Variants in CRACDL observed in about 807,000 individuals in gnomAD.
CRACDL encodes CRACD-like protein.
Under a neutral mutation model 70.6 loss-of-function variants are expected in CRACDL, and 26 were observed. The ratio of observed to expected loss-of-function variants is 0.37; its 90% CI spans 0.27 to 0.51. The LOEUF is 0.51. CRACDL is among the 20% of genes least tolerant of loss of function. The probability of loss-of-function intolerance (pLI) is 0.94; values close to 1 mark genes in which losing one functional copy is unlikely to be tolerated. For synonymous variants in CRACDL, 618 were observed against 615.2 expected, an observed-to-expected ratio of 1.00 and a Z score of -0.07; for missense variants, 1,283 against 1,376.9, an observed-to-expected ratio of 0.93 and a Z score of 1.08.
chr2:98,903,630 AAT>A (rs893968805), intron 1 of CRACDL, among the ~76,000 whole-genome samples: 1 of 152,220 alleles, frequency 6.6e-6, no homozygotes, highest in African/African-American at 2.4e-5. Flanking sequence ...TAAATCAAGG[AAT>A]AATTCTTTTT....
At chr2:98,899,178 A>C (rs1379791862) in intron 1 of CRACDL, among the ~76,000 whole-genome samples, 1 of 151,766 alleles carries the variant, frequency 6.6e-6, no homozygotes, top group Non-Finnish European at 1.5e-5. Flanking sequence ...TGCAAACCAG[A>C]CCATTCCCCA....
At chr2:98,816,497 G>C (rs1244638597) in intron 7 of CRACDL, among the ~76,000 whole-genome samples, 1 of 152,180 alleles carries the variant, frequency 6.6e-6, no homozygotes, top group African/African-American at 2.4e-5. Flanking sequence ...CTGTGCTGGA[G>C]GTGGCATTGA....
intron 1 of CRACDL, among the ~76,000 whole-genome samples, chr2:98,892,811 T>C (rs1457943937): frequency 6.6e-6 from 1 of 152,214 alleles, no homozygotes; most frequent in Non-Finnish European, 1.5e-5. Context: ...TATATATATG[T>C]AAATGTAGCC....
At chr2:98,832,736 G>GGGAGCT in intron 4 of CRACDL, 126 bp downstream of exon 4, 1 of 1,256,638 alleles carries the variant, frequency 8.0e-7, no homozygotes, top group Non-Finnish European at 1.1e-6. Flanking sequence ...TGTGTCCTGG[G>GGGAGCT]GGAGCTGTCA....
chr2:98,811,901 TG>T (rs1298569630), intron 7 of CRACDL, among the ~76,000 whole-genome samples: 2 of 151,876 alleles, frequency 1.3e-5, no homozygotes, highest in Non-Finnish European at 2.9e-5. Context: ...TTTAATCATA[TG>T]GATGTACCAC....
In CRACDL at chr2:98,795,057, A is replaced by T. The variant is rs1423371994; in HGVS notation, c.2750-386T>A. 2.7e-4 allele frequency among the ~76,000 whole-genome samples: 11 copies of T among 40,418 alleles called. 1 individual carries two copies. The highest frequency in any genetic ancestry group is 2.1e-3 in the South Asian group (2 of 968). The allele number at this position is 40,418 out of a possible 152,430, so 26.5% of individuals were successfully genotyped here. On this transcript the variant is annotated intron_variant, in intron 9 of 9. Coordinates refer to ENST00000397899, the MANE Select transcript of CRACDL (RefSeq NM_207362.3). ...TAATTAAAAATATATATATATATAT[A>T]TATATATATATATATATATATTTTT...
chr2:98,822,200 G>A lies in CRACDL; in HGVS notation c.2073C>T (p.Leu691=), dbSNP rs531708186. 1 of 1,610,776 alleles carries A rather than the reference G, an allele frequency of 6.2e-7. No homozygotes were observed. Among genetic ancestry groups the A allele is most frequent in the South Asian group, 1.1e-5 (1 of 90,744 alleles). ...PFPVKLRSTS[L]SLKYRDGASQ... ...AGGCGCCATCCCTGTATTTGAGCGA[G>A]AGGGAGGTGGACCGGAGCTTGACGG... is the stretch of plus-strand genomic sequence containing the variant. The change falls in exon 7 of 10, where the codon CTC becomes CTT. Residue 691 remains leucine, a synonymous_variant. Transcript: ENST00000397899. This position sits in a 1 kb window ranked among gnomAD's most constrained non-coding sequence, Gnocchi z 4.9.
chr2:98,805,730 G>C (rs571597055), intron 7 of CRACDL, among the ~76,000 whole-genome samples: 2 of 152,176 alleles, frequency 1.3e-5, no homozygotes, highest in East Asian at 3.9e-4. Context: ...ACCAGCATGG[G>C]GCTGCCAGGG....
intron 1 of CRACDL, among the ~76,000 whole-genome samples, chr2:98,896,778 T>G (rs1255269317): frequency 6.6e-6 from 1 of 152,194 alleles, no homozygotes. Flanking sequence ...TTTTAGGCTT[T>G]TAGCAGCCTG....
At chr2:98,869,608 C>G (rs1012782996) in intron 1 of CRACDL, among the ~76,000 whole-genome samples, 1 of 152,172 alleles carries the variant, frequency 6.6e-6, no homozygotes, top group African/African-American at 2.4e-5. Flanking sequence ...CTGAGAAAAT[C>G]GGAAACAGCT....
intron 7 of CRACDL, among the ~76,000 whole-genome samples, chr2:98,807,922 ATGCTATT>A (rs1704385507): frequency 6.6e-6 from 1 of 152,150 alleles, no homozygotes; most frequent in South Asian, 2.1e-4. Flanking sequence ...TCTCAGCAAG[ATGCTATT>A]TGCTAGTGAC....
At chr2:98,889,113 C>A (rs1342870758) in intron 1 of CRACDL, among the ~76,000 whole-genome samples, 2 of 128,282 alleles carry the variant, frequency 1.6e-5, no homozygotes, top group African/African-American at 6.0e-5. Flanking sequence ...GGCAACACAG[C>A]AAGACTCTGT....
rs761876312 is a variant in CRACDL, at chr2:98,832,845, A to T, written c.375+17T>A. 1 of 1,613,206 alleles carries T rather than the reference A, an allele frequency of 6.2e-7. No homozygotes were observed. The highest frequency in any genetic ancestry group is 8.5e-7 in the Non-Finnish European group (1 of 1,179,792). On this transcript the variant is annotated intron_variant, in intron 4 of 9. Coordinates refer to ENST00000397899, the MANE Select transcript of CRACDL (RefSeq NM_207362.3). ...TTTGACTTGCACACCAGGCGACATG[A>T]CCAAGGAAACATTTACCTGCAGAGC...
At position 98,895,880 on chromosome 2, in the gene CRACDL, T is replaced by C. The variant is rs917912358; in HGVS notation, c.-11+40058A>G. Reference sequence around the variant, plus strand: ...GGGGCTGGGGCCTTCATGAATAAGATAAAAGAGAACCCAGAGAGCTCGCTT... The same window carrying C: ...GGGGCTGGGGCCTTCATGAATAAGACAAAAGAGAACCCAGAGAGCTCGCTT... On this transcript the variant is annotated intron_variant, in intron 1 of 9. Coordinates refer to ENST00000397899, the MANE Select transcript of CRACDL (RefSeq NM_207362.3). Among the ~76,000 whole-genome samples the C allele has an allele frequency of 5.3e-5, 8 of 152,084 alleles. No homozygotes were observed. In the South Asian group the frequency reaches 1.7e-3, roughly 32 times the overall value.
intron 1 of CRACDL, among the ~76,000 whole-genome samples, chr2:98,894,862 T>C (rs1290824901): frequency 6.6e-6 from 1 of 151,998 alleles, no homozygotes; most frequent in Non-Finnish European, 1.5e-5. Context: ...TCTCAGCACT[T>C]TGGGAGGCAG....
At chr2:98,810,661 T>C (rs1396028353) in intron 7 of CRACDL, among the ~76,000 whole-genome samples, 2 of 151,844 alleles carry the variant, frequency 1.3e-5, no homozygotes, top group African/African-American at 2.4e-5. Context: ...GGTGGAGAAA[T>C]AGTCTCTATT....
At chr2:98,928,732 T>C (rs952620615) in intron 1 of CRACDL, among the ~76,000 whole-genome samples, 1 of 152,188 alleles carries the variant, frequency 6.6e-6, no homozygotes, top group African/African-American at 2.4e-5. Context: ...AAGATAACAC[T>C]GGCCAAGCCT....
intron 1 of CRACDL, among the ~76,000 whole-genome samples, chr2:98,898,076 A>G (rs1220856144): frequency 1.3e-5 from 2 of 152,276 alleles, no homozygotes; most frequent in East Asian, 3.8e-4. Flanking sequence ...TGGTGAATTC[A>G]TAATAAAGAA....
chr2:98,931,476 C>A (rs1709072727), intron 1 of CRACDL, among the ~76,000 whole-genome samples: 1 of 152,144 alleles, frequency 6.6e-6, no homozygotes, highest in Non-Finnish European at 1.5e-5. Flanking sequence ...ACTGCACACC[C>A]CGCAGCTAAT....
Sources: gnomAD v4.1 joint callset for allele counts (sites outside exome capture counted in the v4.1 genomes callset) on GRCh38, gnomAD v4.1.1 for gene constraint, Gnocchi (gnomAD v3.1) non-coding constraint, MANE v1.5 for transcripts, NCBI Gene and HGNC (gene_info 2026-07-23, HGNC 2026-07-21) for gene names.